Variants in CDKL5 observed in about 807,000 individuals in gnomAD.
CDKL5 encodes the protein cyclin-dependent kinase-like 5.
Under a neutral mutation model 61.7 loss-of-function variants are expected in CDKL5, and 8 were observed. The observed-to-expected ratio is 0.13, with a 90% CI of 0.08 to 0.23. CDKL5 has a LOEUF of 0.23. Among genes scored for constraint, CDKL5 ranks in the 10% least tolerant of loss-of-function variants. The pLI, the probability that CDKL5 is intolerant of heterozygous loss-of-function variation, is 1.00. For missense variants in CDKL5, 440 were observed against 734.5 expected (o/e 0.60, Z 4.63); for synonymous variants, 275 against 272.3 (o/e 1.01, Z -0.10).
intron 1 of CDKL5, among the ~76,000 whole-genome samples, chrX:18,502,723 C>T (rs868027956): frequency 7.2e-5 from 8 of 111,780 alleles, no homozygotes; most frequent in African/African-American, 1.6e-4. Context: ...GTTATTTATC[C>T]GTGCCAGAAC....
At chrX:18,459,244 G>A (rs1447280326) in intron 1 of CDKL5, among the ~76,000 whole-genome samples, 1 of 111,611 alleles carries the variant, frequency 9.0e-6, no homozygotes, top group Non-Finnish European at 1.9e-5. Flanking sequence ...TATCAGTTTT[G>A]TTGTCGTGCT....
chrX:18,480,857 CTT>C (rs200858035), intron 1 of CDKL5, among the ~76,000 whole-genome samples: 2 of 96,621 alleles, frequency 2.1e-5, no homozygotes, highest in African/African-American at 3.8e-5. Flanking sequence ...TTCTTTCTTC[CTT>C]TTTTTTTTTT....
chrX:18,436,881 A>G (rs1397118513), intron 1 of CDKL5, among the ~76,000 whole-genome samples: 3 of 92,657 alleles, frequency 3.2e-5, no homozygotes, highest in Admixed American at 1.2e-4. Context: ...CCTGGGTGAC[A>G]GCGAGACTCT....
intron 4 of CDKL5, among the ~76,000 whole-genome samples, chrX:18,568,043 T>C (rs1409135767): frequency 1.8e-5 from 2 of 112,250 alleles, no homozygotes; most frequent in South Asian, 3.7e-4. Flanking sequence ...TGTAATTTAT[T>C]GAATACTGTA....
At chrX:18,522,335 CTTTTTTTTTTT>C (rs369618121) in intron 3 of CDKL5, among the ~76,000 whole-genome samples, 1 of 37,530 alleles carries the variant, frequency 2.7e-5, no homozygotes, top group Non-Finnish European at 4.9e-5. Context: ...CAGGCTGGAG[CTTTTTTTTTTT>C]TTTTTTTTTT....
chrX:18,448,235 A>G (rs1253496333), intron 1 of CDKL5, among the ~76,000 whole-genome samples: 1 of 112,328 alleles, frequency 8.9e-6, no homozygotes, highest in Non-Finnish European at 1.9e-5. Context: ...GGTCTTGTCC[A>G]GTTCATATAT....
chrX:18,514,510 C>G (rs1040102794), intron 3 of CDKL5, among the ~76,000 whole-genome samples: 2 of 110,279 alleles, frequency 1.8e-5, no homozygotes, highest in Non-Finnish European at 3.8e-5. Context: ...AGTTCAAGAT[C>G]AGCCTGGCCA....
At chrX:18,484,339 C>T (rs1921706334) in intron 1 of CDKL5, among the ~76,000 whole-genome samples, 1 of 108,865 alleles carries the variant, frequency 9.2e-6, no homozygotes, top group South Asian at 4.1e-4. Context: ...GGGGGGGGGA[C>T]AGTCTCGCCC....
chrX:18,448,795 C>G (rs1931940246), intron 1 of CDKL5, among the ~76,000 whole-genome samples: 2 of 111,986 alleles, frequency 1.8e-5, no homozygotes, highest in Admixed American at 1.9e-4. Flanking sequence ...TATTACCTTT[C>G]AGGGGTTCTT....
At chrX:18,536,725 C>G (rs776698404) in intron 3 of CDKL5, among the ~76,000 whole-genome samples, 7 of 110,215 alleles carry the variant, frequency 6.4e-5, no homozygotes, top group Middle Eastern at 4.7e-3. Flanking sequence ...GGATTACAGG[C>G]GTGAGCCACC....
intron 14 of CDKL5, 86 bp downstream of exon 14, chrX:18,609,656 C>A: frequency 2.6e-6 from 3 of 1,168,446 alleles, no homozygotes; most frequent in South Asian, 1.9e-5. Flanking sequence ...CTCAGGCCAG[C>A]GGCCTTCTCA....
At chrX:18,434,663 C>T (rs958245967) in intron 1 of CDKL5, among the ~76,000 whole-genome samples, 2 of 112,161 alleles carry the variant, frequency 1.8e-5, no homozygotes, top group Admixed American at 9.5e-5. Context: ...CATGGTGGCT[C>T]ATGCCTGTAA....
At chrX:18,443,921 G>A (rs1931811332) in intron 1 of CDKL5, 1 of 112,034 alleles carries the variant, frequency 8.9e-6, no homozygotes, top group Admixed American at 9.6e-5. Flanking sequence ...ATTTGCTAAT[G>A]ACAAGTCAAC....
chrX:18,483,389 T>A (rs186048582), intron 1 of CDKL5, among the ~76,000 whole-genome samples: 134 of 111,158 alleles, frequency 1.2e-3, no homozygotes, highest in Non-Finnish European at 2.3e-3. Context: ...GAAGGGTTTG[T>A]GGCAAAAGCA....
At chrX:18,487,263 G>A (rs748206236) in intron 1 of CDKL5, among the ~76,000 whole-genome samples, 1 of 112,102 alleles carries the variant, frequency 8.9e-6, no homozygotes, top group African/African-American at 3.2e-5. Context: ...GATTTCTGGT[G>A]AATAGGAATT....
At chrX:18,522,581 G>A (rs1327832549) in intron 3 of CDKL5, among the ~76,000 whole-genome samples, 2 of 108,651 alleles carry the variant, frequency 1.8e-5, no homozygotes, top group Non-Finnish European at 3.8e-5. Context: ...TTGGCCTCAC[G>A]TAATCCACCC....
At chrX:18,430,706 A>G (rs758764360) in intron 1 of CDKL5, among the ~76,000 whole-genome samples, 2 of 110,175 alleles carry the variant, frequency 1.8e-5, no homozygotes, top group African/African-American at 6.6e-5. Context: ...CAGCCTCCCA[A>G]AGTGCTAGGA....
intron 4 of CDKL5, among the ~76,000 whole-genome samples, chrX:18,566,543 C>T (rs1400378143): frequency 1.8e-5 from 2 of 112,063 alleles, no homozygotes; most frequent in South Asian, 3.7e-4. Context: ...TATATTTTTA[C>T]CTGTGTTAAT....
At chrX:18,544,517 G>A (rs1156729509) in intron 3 of CDKL5, among the ~76,000 whole-genome samples, 3 of 111,767 alleles carry the variant, frequency 2.7e-5, no homozygotes, top group Non-Finnish European at 5.6e-5. Flanking sequence ...GGAGGAAATT[G>A]AGGCACAGAG....
Sources: gnomAD v4.1 joint callset for allele counts (sites outside exome capture counted in the v4.1 genomes callset) on GRCh38, gnomAD v4.1.1 for gene constraint, MANE v1.5 for transcripts, NCBI Gene and HGNC (gene_info 2026-07-23, HGNC 2026-07-21) for gene names.